The following CSRP3 variants were observed in gnomAD, a reference collection of about 807,000 sequenced individuals.
CSRP3 encodes cysteine and glycine-rich protein 3.
Under a neutral mutation model 24.3 loss-of-function variants are expected in CSRP3, and 24 were observed. That is an observed-to-expected ratio of 0.99 (90% confidence interval 0.71 to 1.39). CSRP3 has a LOEUF of 1.39. Ranked by LOEUF, CSRP3 falls within the 40% of genes most tolerant of loss-of-function variation. The pLI is 0.00. For synonymous variants in CSRP3, 105 were observed against 94.0 expected (o/e 1.12, Z -0.68); for missense variants, 240 against 249.0 (o/e 0.96, Z 0.24).
chr11:19,185,032 G>C lies in CSRP3; in HGVS notation c.428C>G (p.Thr143Ser), dbSNP rs1470710508. The C allele has an allele frequency of 6.2e-7, 1 of 1,614,090 alleles. No individual in the cohort carries two copies. Among genetic ancestry groups the C allele is most frequent in the Non-Finnish European group, 8.5e-7 (1 of 1,179,890 alleles). Reference protein sequence around the residue: ...VMGGGKPWHKTCFRCAICGKS... With the variant: ...VMGGGKPWHKSCFRCAICGKS... ...CCCACAGATGGCACAGCGGAAACAG[G>C]TCTTGTGCCAAGGCTGAGGGGCACA... Residue 143 changes from threonine (T) to serine (S), a missense_variant, in exon 5 of 6, where the codon ACC (threonine) becomes AGC (serine). Physicochemically the swap from Thr to Ser is moderately conservative, Grantham distance 58. Coordinates refer to ENST00000265968, the MANE Select transcript of CSRP3 (RefSeq NM_003476.5).
intron 2 of CSRP3, among the ~76,000 whole-genome samples, chr11:19,189,322 A>C (rs1850580201): frequency 1.3e-5 from 2 of 152,182 alleles, no homozygotes; most frequent in Admixed American, 1.3e-4. Context: ...AACAAGAAGG[A>C]CCTATTAGCA....
In CSRP3 at chr11:19,200,102, A is replaced by C. The variant is rs538495474; in HGVS notation, c.-29+1852T>G. 6.6e-5 allele frequency among the ~76,000 whole-genome samples: 10 copies of C among 151,696 alleles called. No homozygotes were observed. The South Asian group carries it at 1.7e-3, about 25-fold the overall frequency. ...CTTGTACTTAGCAGGAAACCCCCCC[A>C]AAACCCACTGGGTTTGGCTGTATGC... On this transcript the variant is annotated intron_variant, in intron 1 of 5. Transcript: ENST00000265968.
At chr11:19,186,108 A>C in intron 4 of CSRP3, 108 bp downstream of exon 4, 1 of 1,428,622 alleles carries the variant, frequency 7.0e-7, no homozygotes, top group Non-Finnish European at 9.9e-7. Context: ...TTGTTCTGGG[A>C]GCTAGAGAGA....
At chr11:19,197,535 C>CTTTCTTTCTT (rs1850754807) in intron 1 of CSRP3, among the ~76,000 whole-genome samples, 4 of 131,274 alleles carry the variant, frequency 3.0e-5, no homozygotes, top group African/African-American at 1.2e-4. Context: ...TTCTTTCTTT[C>CTTTCTTTCTT]TTTCTTTCTT....
At chr11:19,183,894 C>T (rs906926130) in intron 5 of CSRP3, among the ~76,000 whole-genome samples, 5 of 152,106 alleles carry the variant, frequency 3.3e-5, no homozygotes, top group African/African-American at 1.2e-4. Context: ...GTGCTGTTCT[C>T]GTGATAGTAA....
intron 1 of CSRP3, among the ~76,000 whole-genome samples, chr11:19,196,334 C>T (rs545337777): frequency 6.6e-6 from 1 of 152,270 alleles, no homozygotes; most frequent in African/African-American, 2.4e-5. Context: ...CGACCTTGAA[C>T]TCGGGTAAAA....
intron 2 of CSRP3, 47 bp downstream of exon 2, chr11:19,192,290 A>G (rs1590106095): frequency 7.8e-7 from 1 of 1,278,504 alleles, no homozygotes; most frequent in African/African-American, 1.5e-5. Context: ...GAATTTTGTG[A>G]TGCTGTCCGG....
chr11:19,190,731 A>G (rs1565052472), intron 2 of CSRP3, among the ~76,000 whole-genome samples: 1 of 152,200 alleles, frequency 6.6e-6, no homozygotes, highest in Non-Finnish European at 1.5e-5. Context: ...GCAGCTACAG[A>G]GTTGCCTGCG....
chr11:19,198,948 T>A (rs1265131649), intron 1 of CSRP3, among the ~76,000 whole-genome samples: 1 of 152,262 alleles, frequency 6.6e-6, no homozygotes, highest in Non-Finnish European at 1.5e-5. Flanking sequence ...TAATTGTAGT[T>A]ACTTGCATCA....
chr11:19,190,149 A>G (rs184132535), intron 2 of CSRP3, among the ~76,000 whole-genome samples: 90 of 152,364 alleles, frequency 5.9e-4, no homozygotes, highest in African/African-American at 2.0e-3. Context: ...TCACAATTAT[A>G]CAATAGTAAG....
At chr11:19,188,903 T>C (rs1365293680) in intron 2 of CSRP3, among the ~76,000 whole-genome samples, 1 of 152,114 alleles carries the variant, frequency 6.6e-6, no homozygotes, top group Non-Finnish European at 1.5e-5. Flanking sequence ...CCCTGGTTAC[T>C]GTATATTACC....
chr11:19,187,239 G>A (rs1850541505), intron 3 of CSRP3, among the ~76,000 whole-genome samples: 1 of 152,222 alleles, frequency 6.6e-6, no homozygotes, highest in African/African-American at 2.4e-5. Context: ...CTAACAAAAA[G>A]AAGTCTTCTC....
Position 19,188,124 on chromosome 11 carries a change from G to T in CSRP3, c.281+12C>A. On this transcript the variant is annotated intron_variant, in intron 3 of 5. Transcript: ENST00000265968. ...ACTTTAACAGGCAAGGGGGAGCAGG[G>T]CAGTAACTCACTGTTGGAACTGCAG... 4.3e-6 allele frequency: 7 copies of T among 1,614,138 alleles called. No individual in the cohort carries two copies. Among genetic ancestry groups the T allele is most frequent in the Non-Finnish European group, 5.9e-6 (7 of 1,179,984 alleles).
At chr11:19,191,629 C>T (rs954306406) in intron 2 of CSRP3, among the ~76,000 whole-genome samples, 4 of 152,108 alleles carry the variant, frequency 2.6e-5, no homozygotes, top group Admixed American at 1.3e-4. Context: ...GCACATGACC[C>T]GGGCTTAGAT....
intron 1 of CSRP3, chr11:19,196,815 T>G (rs1265749919): frequency 1.3e-5 from 2 of 152,150 alleles, no homozygotes; most frequent in Non-Finnish European, 2.9e-5. Context: ...GGGTCAAGAT[T>G]GAAATGGGGG....
At chr11:19,195,815 A>G (rs1471619450) in intron 1 of CSRP3, among the ~76,000 whole-genome samples, 1 of 152,256 alleles carries the variant, frequency 6.6e-6, no homozygotes, top group Non-Finnish European at 1.5e-5. Context: ...TTAAGCGATC[A>G]TAAATATCTG....
At chr11:19,186,890 T>A (rs541670030) in intron 3 of CSRP3, among the ~76,000 whole-genome samples, 8 of 152,210 alleles carry the variant, frequency 5.3e-5, no homozygotes, top group Admixed American at 2.6e-4. Context: ...AGGAGAACAA[T>A]GTCCAAAATA....
In CSRP3 at chr11:19,192,409, C is replaced by G. The variant is rs777883490; in HGVS notation, c.40G>C (p.Glu14Gln). Reference protein sequence around the residue: ...WGGGAKCGACEKTVYHAEEIQ... With the variant: ...WGGGAKCGACQKTVYHAEEIQ... ...TCTTCTGCATGGTAGACGGTCTTTT[C>G]ACAGGCTCCACATTTTGCGCCTCCG... Residue 14 changes from glutamate to glutamine, a missense_variant, in exon 2 of 6, where the codon GAA becomes CAA. Physicochemically the swap from Glu to Gln is conservative, Grantham distance 29 (BLOSUM62 2). Coordinates refer to ENST00000265968, the MANE Select transcript of CSRP3 (RefSeq NM_003476.5). 5 of 1,614,216 alleles carry G rather than the reference C, an allele frequency of 3.1e-6. No individual in the cohort carries two copies. The highest frequency in any genetic ancestry group is 4.2e-6 in the Non-Finnish European group (5 of 1,180,040).
rs1453763960 is a variant in CSRP3, at chr11:19,192,347, A to G, written c.102T>C (p.Cys34=). ...GTCCACCCAACTCACTGCAGTGGAA[A>G]CACGTCTTGTGGAAACTCCTTCCAT... The part of the protein sequence containing the change: ...QCNGRSFHKT[C]FHCMACRKAL... Residue 34 remains cysteine, a synonymous_variant, in exon 2 of 6, where the codon TGT becomes TGC. Transcript: ENST00000265968. 1 of 1,613,748 alleles carries G rather than the reference A, an allele frequency of 6.2e-7. No individual in the cohort carries two copies. Among genetic ancestry groups the G allele is most frequent in the Admixed American group, 1.7e-5 (1 of 60,022 alleles).
Sources: gnomAD v4.1 joint callset for allele counts (sites outside exome capture counted in the v4.1 genomes callset) on GRCh38, gnomAD v4.1.1 for gene constraint, MANE v1.5 for transcripts, NCBI Gene and HGNC (gene_info 2026-07-23, HGNC 2026-07-21) for gene names.